CHEK2: variants seen among roughly 807,000 people sequenced by gnomAD.
The protein encoded by CHEK2 is checkpoint kinase 2, also known as serine/threonine-protein kinase Chk2.
In CHEK2, 71 loss-of-function variants were observed where a neutral mutation model predicts 69.1. The observed-to-expected ratio is 1.03, with a 90% CI of 0.85 to 1.25. The LOEUF (loss-of-function observed/expected upper bound fraction) is 1.25, where lower values mean the gene tolerates loss of function less well. Ranked by LOEUF, CHEK2 falls within the 50% of genes most tolerant of loss-of-function variation. The probability of loss-of-function intolerance (pLI) is 0.00; values close to 1 mark genes in which losing one functional copy is unlikely to be tolerated. For missense variants in CHEK2, 664 were observed against 649.6 expected, an observed-to-expected ratio of 1.02 and a Z score of -0.24; for synonymous variants, 189 against 226.9, an observed-to-expected ratio of 0.83 and a Z score of 1.50.
intron 2 of CHEK2, among the ~76,000 whole-genome samples, chr22:28,727,422 C>T (rs1250968912): frequency 7.9e-5 from 12 of 152,108 alleles, no homozygotes; most frequent in East Asian, 1.9e-4. Flanking sequence ...GTATGGGCCA[C>T]GGCTGGAAAT....
chr22:28,737,474 C>CTT (rs543703620), intron 1 of CHEK2, among the ~76,000 whole-genome samples: 10 of 137,346 alleles, frequency 7.3e-5, no homozygotes, highest in Admixed American at 2.2e-4. Context: ...CTGATTATTT[C>CTT]TTTTTTTTTT....
chr22:28,703,476 CAG>C (rs2052970696), intron 8 of CHEK2, 27 bp downstream of exon 8: 1 of 1,169,530 alleles, frequency 8.6e-7, no homozygotes, highest in South Asian at 1.3e-5. Flanking sequence ...TGAATGGAAA[CAG>C]AAATTTTTAA....
rs1422634212 is a variant in CHEK2 at position 28,703,543 on chromosome 22, GT to G, written c.869del (p.Asn290ThrfsTer14). 1.3e-6 allele frequency: 2 copies of G among 1,559,000 alleles called. No homozygotes were observed. Among genetic ancestry groups the G allele is most frequent in the Non-Finnish European group, 8.8e-7 (1 of 1,136,094 alleles). On this transcript the variant is annotated frameshift_variant, in exon 8 of 15. Coordinates refer to ENST00000404276, the MANE Select transcript of CHEK2 (RefSeq NM_007194.4). LOFTEE classifies it high-confidence loss of function. ...TATAATAATCTTCTGCATCAAAAAA[GT>G]TTTTAATCTTGATGATGCAAGGCTA... ...LNHPCIIKIKNFFDAEDYYIV... is the reference protein window; with the variant it reads ...LNHPCIIKIKXFFDAEDYYIV...
intron 4 of CHEK2, among the ~76,000 whole-genome samples, chr22:28,720,579 C>T (rs920969482): frequency 6.6e-6 from 1 of 151,994 alleles, no homozygotes; most frequent in Admixed American, 6.6e-5. Context: ...TTGTTAAGAC[C>T]CTTGAGTTTC....
At chr22:28,704,111 G>GAGAC (rs1363951908) in intron 7 of CHEK2, among the ~76,000 whole-genome samples, 10 of 110,268 alleles carry the variant, frequency 9.1e-5, no homozygotes, top group African/African-American at 2.8e-4. Flanking sequence ...GGCAGAGAGA[G>GAGAC]AGACAGACAG....
intron 1 of CHEK2, among the ~76,000 whole-genome samples, chr22:28,735,882 C>G (rs2054387608): frequency 6.8e-6 from 1 of 146,468 alleles, no homozygotes; most frequent in African/African-American, 2.5e-5. Context: ...AACCCTGTCT[C>G]AAAAAAATTA....
chr22:28,734,871 C>T (rs2054349421), intron 1 of CHEK2, 144 bp from the exon 2 acceptor site: 1 of 698,168 alleles, frequency 1.4e-6, no homozygotes, highest in Non-Finnish European at 2.4e-6. Flanking sequence ...AATTAAAAGT[C>T]CTAACAGCCC....
At position 28,723,404 on chromosome 22, in the gene CHEK2, C is replaced by T. The variant is rs550607829; in HGVS notation, c.592+1573G>A. 2.0e-5 allele frequency among the ~76,000 whole-genome samples: 3 copies of T among 150,470 alleles called. No individual in the cohort carries two copies. In the South Asian group the frequency reaches 6.3e-4, roughly 32 times the overall value. On this transcript the variant is annotated intron_variant, in intron 4 of 14. Coordinates refer to ENST00000404276, the MANE Select transcript of CHEK2 (RefSeq NM_007194.4). Reference sequence around the variant, plus strand: ...ACGAGGTCAGGAGATCGAGACCATCCTGGCTAAAACAGTGAAACCCCGTCT... The same window carrying T: ...ACGAGGTCAGGAGATCGAGACCATCTTGGCTAAAACAGTGAAACCCCGTCT...
At chr22:28,730,369 G>A (rs549244332) in intron 2 of CHEK2, 3 of 520,944 alleles carry the variant, frequency 5.8e-6, no homozygotes, top group Non-Finnish European at 1.0e-5. Flanking sequence ...GAAAGGAAAA[G>A]GAAAAGGGAA....
At position 28,700,211 on chromosome 22, in the gene CHEK2, C is replaced by CT. The variant is rs1188199517; in HGVS notation, c.909-275dup. ...GCTTGGAAGTGGGGCCCAGGAGTTG[C>CT]TTTTTTTTTTTTTTTTTTGAGACAG... On this transcript the variant is annotated intron_variant, in intron 8 of 14. Transcript: ENST00000404276. Among the ~76,000 whole-genome samples, 4,310 of 127,986 alleles carry CT rather than the reference C, an allele frequency of 0.034. 111 individuals are homozygous for CT. Among genetic ancestry groups the CT allele is most frequent in the Non-Finnish European group, 0.042 (2,484 of 59,682 alleles). The allele number at this position is 127,986 out of a possible 152,430, so 84.0% of individuals were successfully genotyped here.
In CHEK2 at chr22:28,719,975, T is replaced by C. The variant is rs138261792; in HGVS notation, c.593-490A>G. Among the ~76,000 whole-genome samples, 1,131 of 152,298 alleles carry C rather than the reference T, an allele frequency of 7.4e-3. 17 individuals are homozygous for C. The highest frequency in any genetic ancestry group is 0.026 in the African/African-American group (1,090 of 41,554). ...GCCATTTATACCTTTATATATCCGG[T>C]ATTAAGTATTTTATAGTGCAAACCA... On this transcript the variant is annotated intron_variant, in intron 4 of 14. Transcript: ENST00000404276.
At chr22:28,726,103 C>G (rs1261582415) in intron 2 of CHEK2, 1 of 151,918 alleles carries the variant, frequency 6.6e-6, no homozygotes, top group Non-Finnish European at 1.5e-5. Context: ...ACTCGGGAAG[C>G]TGAGGCAGAG....
chr22:28,708,159 G>T (rs796772104), intron 7 of CHEK2, among the ~76,000 whole-genome samples: 5 of 152,082 alleles, frequency 3.3e-5, no homozygotes, highest in African/African-American at 1.2e-4. Context: ...TATCTTAAGG[G>T]TAGGTCTGAT....
In CHEK2 at chr22:28,734,396, G is replaced by A. The variant is rs1057522753; in HGVS notation, c.319+7C>T. ...AAAACGTGATACTATACAACAAAGG[G>A]TCTTACCAAGATTGGCAAATCCATC... On this transcript the variant is annotated splice_region_variant and intron_variant, in intron 2 of 14. Transcript: ENST00000404276. 6.2e-7 allele frequency: 1 copy of A among 1,613,222 alleles called. No individual in the cohort carries two copies. The highest frequency in any genetic ancestry group is 8.5e-7 in the Non-Finnish European group (1 of 1,179,266).
rs1383954665 is a variant in CHEK2, at chr22:28,687,818, T to A, written c.*79A>T. On this transcript the variant is annotated 3_prime_UTR_variant, in exon 15 of 15. Transcript: ENST00000404276. ...TTATTCCCATAATTAAAATACAAAC[T>A]ATAAAAAAACAGACTCAAAGAAAAG... is the stretch of plus-strand genomic sequence containing the variant. 2 of 1,142,090 alleles carry A rather than the reference T, an allele frequency of 1.8e-6. No homozygotes were observed. The highest frequency in any genetic ancestry group is 3.0e-5 in the African/African-American group (2 of 65,754). 70.7% of individuals were successfully genotyped at this position (1,142,090 alleles called of 1,614,324 possible).
chr22:28,740,300 A>G (rs2054519203), intron 1 of CHEK2, among the ~76,000 whole-genome samples: 1 of 152,198 alleles, frequency 6.6e-6, no homozygotes, highest in Non-Finnish European at 1.5e-5. Context: ...GCAGGACTTT[A>G]TTAGGTCAAA....
At chr22:28,738,746 G>C (rs553450136) in intron 1 of CHEK2, among the ~76,000 whole-genome samples, 2 of 152,110 alleles carry the variant, frequency 1.3e-5, no homozygotes, top group African/African-American at 4.8e-5. Flanking sequence ...TTTGGGCACA[G>C]GGTTTTTACG....
chr22:28,712,206 C>G, intron 5 of CHEK2, 189 bp from the exon 6 acceptor site: 2 of 606,256 alleles, frequency 3.3e-6, no homozygotes, highest in Non-Finnish European at 5.9e-6. Flanking sequence ...GCCAAAAACA[C>G]TAAGTCAGCT....
intron 8 of CHEK2, among the ~76,000 whole-genome samples, chr22:28,701,948 T>C (rs1330012684): frequency 7.9e-6 from 1 of 126,994 alleles, no homozygotes; most frequent in Non-Finnish European, 1.7e-5. Context: ...TATCATCCCA[T>C]ATACTATTTT....
Sources: gnomAD v4.1 joint callset for allele counts (sites outside exome capture counted in the v4.1 genomes callset) on GRCh38, gnomAD v4.1.1 for gene constraint, MANE v1.5 for transcripts, NCBI Gene and HGNC (gene_info 2026-07-23, HGNC 2026-07-21) for gene names.